Variants in CAST observed in about 807,000 individuals in gnomAD.
The protein encoded by CAST is MIR583 host.
CAST carries 76 observed loss-of-function variants against 119.6 expected under a neutral mutation model. The observed-to-expected ratio is 0.64, with a 90% CI of 0.53 to 0.77. The LOEUF is 0.77. CAST is among the 30% of genes least tolerant of loss of function. The pLI is 0.00. For synonymous variants in CAST, 319 were observed against 331.6 expected, an observed-to-expected ratio of 0.96 and a Z score of 0.41; for missense variants, 953 against 946.5, an observed-to-expected ratio of 1.01 and a Z score of -0.09.
chr5:96,295,537 A>G, the CAST span, among the ~76,000 whole-genome samples: 5 of 152,234 alleles, frequency 3.3e-5, no homozygotes, highest in Non-Finnish European at 7.3e-5. Flanking sequence ...ATTGCCTAAC[A>G]GAATTGGGGT....
the CAST span, among the ~76,000 whole-genome samples, chr5:96,182,163 T>G: frequency 1.3e-5 from 2 of 152,220 alleles, no homozygotes; most frequent in Non-Finnish European, 1.5e-5. Context: ...CTTCCTGATA[T>G]GTACTCCATG....
At chr5:96,169,394 G>C in the CAST span, among the ~76,000 whole-genome samples, 1 of 152,272 alleles carries the variant, frequency 6.6e-6, no homozygotes, top group Admixed American at 6.5e-5. Context: ...AGAATAATGG[G>C]TTGTGGAGGG....
intron 1 of CAST, among the ~76,000 whole-genome samples, chr5:96,570,019 A>C (rs1746543213): frequency 6.6e-6 from 1 of 152,236 alleles, no homozygotes; most frequent in South Asian, 2.1e-4. Context: ...CATCATAGTG[A>C]CAGGCTGTAT....
upstream of CAST, chr5:96,662,320 G>GATCCCTCCCTCCCTCCCTCCCTCTCTCC (rs1748626107): frequency 1.2e-6 from 1 of 809,704 alleles, no homozygotes; most frequent in South Asian, 3.2e-5. Flanking sequence ...CGGGCCCTCC[G>GATCCCTCCCTCCCTCCCTCCCTCTCTCC]CTCCCTCCCT....
At chr5:96,708,981 C>G (rs1185131805) in intron 3 of CAST, among the ~76,000 whole-genome samples, 1 of 152,184 alleles carries the variant, frequency 6.6e-6, no homozygotes, top group Non-Finnish European at 1.5e-5. Context: ...CCATGAGAGT[C>G]CTTTTTCCCC....
At chr5:96,179,573 AT>A in the CAST span, among the ~76,000 whole-genome samples, 3 of 152,322 alleles carry the variant, frequency 2.0e-5, no homozygotes, top group South Asian at 6.2e-4. Context: ...TTGTAGATGA[AT>A]GAATATGGGG....
At chr5:96,280,944 T>C in the CAST span, among the ~76,000 whole-genome samples, 1 of 152,150 alleles carries the variant, frequency 6.6e-6, no homozygotes, top group Non-Finnish European at 1.5e-5. Context: ...TCCAGGGAAA[T>C]GTCTTGCAAG....
chr5:96,599,973 A>AAAAAACAAAACAAAAC (rs1554070019), intron 1 of CAST, among the ~76,000 whole-genome samples: 13 of 90,154 alleles, frequency 1.4e-4, no homozygotes, highest in African/African-American at 3.9e-4. Flanking sequence ...AGGCAAAAAA[A>AAAAAACAAAACAAAAC]AAAAAAAAAA....
chr5:96,499,446 T>C, the CAST span, among the ~76,000 whole-genome samples: 1 of 152,254 alleles, frequency 6.6e-6, no homozygotes, highest in Non-Finnish European at 1.5e-5. Flanking sequence ...AAAACTACTT[T>C]ATGCTAAAAA....
At chr5:96,668,052 A>G (rs1353333508) in intron 1 of CAST, among the ~76,000 whole-genome samples, 2 of 151,924 alleles carry the variant, frequency 1.3e-5, no homozygotes, top group African/African-American at 4.8e-5. Flanking sequence ...AAGTATAATG[A>G]CCTCTTCATA....
At chr5:96,220,144 G>C in the CAST span, among the ~76,000 whole-genome samples, 2 of 152,326 alleles carry the variant, frequency 1.3e-5, no homozygotes, top group South Asian at 4.1e-4. Context: ...GGGACGTGAG[G>C]AGAAGTTTGC....
the CAST span, among the ~76,000 whole-genome samples, chr5:96,060,757 A>G: frequency 1.3e-4 from 20 of 152,134 alleles, no homozygotes; most frequent in African/African-American, 3.9e-4. Context: ...AAAAGATACC[A>G]TGTGGAGTTT....
chr5:96,723,402 C>T (rs467600), intron 4 of CAST, among the ~76,000 whole-genome samples: 107,535 of 151,988 alleles, frequency 0.71, 38,193 homozygotes, highest in Admixed American at 0.78. Context: ...ATTCTGAGCA[C>T]TTAAAAATAA....
intron 20 of CAST, among the ~76,000 whole-genome samples, chr5:96,753,064 G>T (rs1256189410): frequency 6.6e-6 from 1 of 151,310 alleles, no homozygotes; most frequent in South Asian, 2.1e-4. Context: ...CATGATCTCG[G>T]CTCACTGCAA....
chr5:95,963,308 C>A, the CAST span, among the ~76,000 whole-genome samples: 4 of 152,170 alleles, frequency 2.6e-5, no homozygotes, highest in African/African-American at 9.7e-5. Context: ...CCTTCCCCAC[C>A]GTACGGGTAC....
chr5:96,723,466 G>A (rs961749308), intron 4 of CAST, among the ~76,000 whole-genome samples: 22 of 152,010 alleles, frequency 1.4e-4, no homozygotes, highest in African/African-American at 4.8e-4. Context: ...TGGTTATTTC[G>A]GATGCTTTCC....
the CAST span, among the ~76,000 whole-genome samples, chr5:96,362,677 GGTT>G: frequency 6.6e-6 from 1 of 152,032 alleles, no homozygotes; most frequent in East Asian, 1.9e-4. Context: ...TTTTTGATGG[GGTT>G]GTTTGTTTTT....
intron 1 of CAST, among the ~76,000 whole-genome samples, chr5:96,548,089 A>T (rs1187091572): frequency 6.6e-6 from 1 of 152,228 alleles, no homozygotes; most frequent in African/African-American, 2.4e-5. Flanking sequence ...GTCCCCAGAA[A>T]GTAGACAATT....
the CAST span, among the ~76,000 whole-genome samples, chr5:96,138,941 C>G: frequency 6.6e-6 from 1 of 151,866 alleles, no homozygotes; most frequent in Non-Finnish European, 1.5e-5. Context: ...ATTGCACAAA[C>G]TAGGACTTCT....
Sources: gnomAD v4.1 joint callset for allele counts (sites outside exome capture counted in the v4.1 genomes callset) on GRCh38, gnomAD v4.1.1 for gene constraint, MANE v1.5 for transcripts, NCBI Gene and HGNC (gene_info 2026-07-23, HGNC 2026-07-21) for gene names.